The following PPM1E variants were observed in gnomAD, a reference collection of about 807,000 sequenced individuals.
PPM1E encodes protein phosphatase, Mg2+/Mn2+ dependent 1E, also known as protein phosphatase 1E.
PPM1E carries 20 observed loss-of-function variants against 65.9 expected under a neutral mutation model. That is an observed-to-expected ratio of 0.30 (90% confidence interval 0.21 to 0.44). The LOEUF (loss-of-function observed/expected upper bound fraction) is 0.44. Among genes scored for constraint, PPM1E ranks in the 20% least tolerant of loss-of-function variants. The pLI is 1.00. For missense variants in PPM1E, 713 were observed against 953.1 expected (o/e 0.75, Z 3.32); for synonymous variants, 352 against 374.9 (o/e 0.94, Z 0.70).
At chr17:58,927,256 A>G (rs2051835100) in intron 1 of PPM1E, among the ~76,000 whole-genome samples, 1 of 150,644 alleles carries the variant, frequency 6.6e-6, no homozygotes, top group Admixed American at 6.7e-5. Flanking sequence ...CCTCCCGAGT[A>G]GCTGGGGCTG....
At chr17:58,958,196 A>G (rs1323566093) in intron 2 of PPM1E, among the ~76,000 whole-genome samples, 1 of 151,492 alleles carries the variant, frequency 6.6e-6, no homozygotes, top group Non-Finnish European at 1.5e-5. Flanking sequence ...TATTATTTTT[A>G]TTTTTATTTT....
rs557184927 is a variant in PPM1E at position 58,929,543 on chromosome 17, G to T, written c.465-26106G>T. On this transcript the variant is annotated intron_variant, in intron 1 of 6. Transcript: ENST00000308249. ...ATCTGTAGGGTGCTTTAATATGCAT[G>T]AGAAATAAGATGCACTGATGGATTG... 2.0e-5 allele frequency among the ~76,000 whole-genome samples: 3 copies of T among 152,288 alleles called. No individual in the cohort carries two copies. In the South Asian group the frequency reaches 6.2e-4, roughly 32 times the overall value.
chr17:58,782,617 G>C (rs1425644590), intron 1 of PPM1E, among the ~76,000 whole-genome samples: 2 of 149,706 alleles, frequency 1.3e-5, no homozygotes, highest in Non-Finnish European at 1.5e-5. Context: ...TCACCAAGTT[G>C]ATCAGGCTGG....
chr17:58,841,209 A>G (rs1428448350), intron 1 of PPM1E, among the ~76,000 whole-genome samples: 4 of 152,154 alleles, frequency 2.6e-5, no homozygotes, highest in Non-Finnish European at 4.4e-5. Context: ...GAATAATGCT[A>G]ATTATATTAT....
intron 1 of PPM1E, among the ~76,000 whole-genome samples, chr17:58,822,716 G>GT (rs1226469248): frequency 6.6e-6 from 1 of 152,156 alleles, no homozygotes; most frequent in South Asian, 2.1e-4. Context: ...TTAATAGGTA[G>GT]TTTTTTTCTG....
intron 1 of PPM1E, among the ~76,000 whole-genome samples, chr17:58,789,943 CACTA>C (rs1253029175): frequency 6.6e-6 from 1 of 152,052 alleles, no homozygotes; most frequent in Non-Finnish European, 1.5e-5. Flanking sequence ...TGAAGGCAGG[CACTA>C]TAGAATTTTC....
At position 58,983,524 on chromosome 17, in the gene PPM1E, T is replaced by A. The variant is rs2031513935; in HGVS notation, c.*2493T>A. 1 of 152,650 alleles carries A rather than the reference T, an allele frequency of 6.6e-6. No individual in the cohort carries two copies. The highest frequency in any genetic ancestry group is 1.5e-5 in the Non-Finnish European group (1 of 68,058). The allele number at this position is 152,650 out of a possible 1,614,324, so 9.5% of individuals were successfully genotyped here. ...TGCCCTTATTTGCTGCTTGCTGACG[T>A]AAGCAATAAGTAACCCTCTAACTAA... On this transcript the variant is annotated 3_prime_UTR_variant, in exon 7 of 7. Transcript: ENST00000308249.
chr17:58,927,666 T>C lies in PPM1E; in HGVS notation c.465-27983T>C, dbSNP rs377702653. Among the ~76,000 whole-genome samples, 3 of 152,164 alleles carry C rather than the reference T, an allele frequency of 2.0e-5. No individual in the cohort carries two copies. In the South Asian group the frequency reaches 6.2e-4, roughly 32 times the overall value. On this transcript the variant is annotated intron_variant, in intron 1 of 6. Transcript: ENST00000308249. ...GGCTCACTCCTGTAATCCCAGTATT[T>C]TGGGAAGCTGAGGCAGGTGGATTGC...
chr17:58,978,542 C>T (rs2031165497), intron 6 of PPM1E, among the ~76,000 whole-genome samples: 1 of 152,090 alleles, frequency 6.6e-6, no homozygotes, highest in Admixed American at 6.5e-5. Flanking sequence ...GAAACCCCGT[C>T]TCTAATAAAA....
intron 2 of PPM1E, among the ~76,000 whole-genome samples, chr17:58,957,717 T>TA (rs891693365): frequency 4.6e-4 from 69 of 148,454 alleles, no homozygotes; most frequent in South Asian, 2.3e-3. Context: ...AAAACAGTCT[T>TA]AAAAAAAAAA....
intron 1 of PPM1E, among the ~76,000 whole-genome samples, chr17:58,833,840 T>G (rs2050628443): frequency 6.6e-6 from 1 of 152,228 alleles, no homozygotes; most frequent in Non-Finnish European, 1.5e-5. Flanking sequence ...TAAGCTAATT[T>G]GCATTCTCAC....
intron 1 of PPM1E, among the ~76,000 whole-genome samples, chr17:58,765,367 G>A (rs1399513286): frequency 3.3e-5 from 5 of 151,740 alleles, no homozygotes; most frequent in African/African-American, 1.2e-4. Context: ...TAGTAGAGAC[G>A]TAGTTTCACC....
chr17:58,849,913 T>A (rs1598609112), intron 1 of PPM1E, among the ~76,000 whole-genome samples: 1 of 152,340 alleles, frequency 6.6e-6, no homozygotes, highest in Non-Finnish European at 1.5e-5. Context: ...TGTGGGAGTC[T>A]AAGTCTCTTT....
chr17:58,965,920 G>T (rs754711175), intron 3 of PPM1E, 27 bp downstream of exon 3: 4 of 1,606,434 alleles, frequency 2.5e-6, no homozygotes, highest in Non-Finnish European at 3.4e-6. Flanking sequence ...GAGAGTCAGT[G>T]AGATTTTAAA....
intron 1 of PPM1E, among the ~76,000 whole-genome samples, chr17:58,955,236 A>G (rs1420046363): frequency 2.6e-5 from 4 of 152,122 alleles, no homozygotes; most frequent in African/African-American, 9.7e-5. Flanking sequence ...ATGGTGGCAC[A>G]TGCCTGTAGT....
intron 1 of PPM1E, among the ~76,000 whole-genome samples, chr17:58,844,987 C>T (rs1341809410): frequency 6.6e-6 from 1 of 152,150 alleles, no homozygotes; most frequent in Non-Finnish European, 1.5e-5. Context: ...TAGATAATGG[C>T]ACTGGCTTCT....
At chr17:58,838,628 A>G (rs1235465607) in intron 1 of PPM1E, among the ~76,000 whole-genome samples, 2 of 152,212 alleles carry the variant, frequency 1.3e-5, no homozygotes, top group Non-Finnish European at 2.9e-5. Context: ...AAAGATAAAC[A>G]TATTCTTACC....
rs544322392 is a variant in PPM1E at position 58,923,949 on chromosome 17, G to A, written c.465-31700G>A. 4.3e-5 allele frequency among the ~76,000 whole-genome samples: 5 copies of A among 115,026 alleles called. No individual in the cohort carries two copies. In the Admixed American group the frequency reaches 5.8e-4, roughly 13 times the overall value. The allele number at this position is 115,026 out of a possible 152,430, so 75.5% of individuals were successfully genotyped here. A position where few individuals can be genotyped will look rare whatever the true frequency, so the allele number is the denominator to read the frequency against. On this transcript the variant is annotated intron_variant, in intron 1 of 6. Coordinates refer to ENST00000308249, the MANE Select transcript of PPM1E (RefSeq NM_014906.5). The stretch of plus-strand genomic sequence containing the variant: ...TTTTTTTTTTTTGAGACAGAATCTC[G>A]CTCTTGTCGCCCAGGCTGGAGTGCA...
intron 1 of PPM1E, among the ~76,000 whole-genome samples, chr17:58,795,264 A>G (rs1356191464): frequency 1.3e-5 from 2 of 152,190 alleles, no homozygotes; most frequent in Non-Finnish European, 2.9e-5. Context: ...GCTGGGTCAA[A>G]TGGTAATTCT....
Sources: gnomAD v4.1 joint callset for allele counts (sites outside exome capture counted in the v4.1 genomes callset) on GRCh38, gnomAD v4.1.1 for gene constraint, MANE v1.5 for transcripts, NCBI Gene and HGNC (gene_info 2026-07-23, HGNC 2026-07-21) for gene names.